PYHIN1: variants seen among roughly 807,000 people sequenced by gnomAD.
PYHIN1 encodes the protein pyrin and HIN domain family member 1.
In PYHIN1, 32 loss-of-function variants were observed where a neutral mutation model predicts 43.7. That is an observed-to-expected ratio of 0.73 (90% CI 0.55 to 0.98). The LOEUF is 0.98. Ranked by LOEUF, PYHIN1 falls within the 50% of genes least tolerant of loss-of-function variation. The probability of loss-of-function intolerance (pLI) is 0.00; values close to 1 mark genes in which losing one functional copy is unlikely to be tolerated. For missense variants in PYHIN1, 588 were observed against 589.5 expected (o/e 1.00, Z 0.03); for synonymous variants, 205 against 203.1 (o/e 1.01, Z -0.08).
the PYHIN1 span, among the ~76,000 whole-genome samples, chr1:158,989,195 TTAA>T: frequency 5.9e-5 from 9 of 152,346 alleles, no homozygotes; most frequent in African/African-American, 2.2e-4. Flanking sequence ...TGCCATGGAA[TTAA>T]TCATATCCTG....
intron 7 of PYHIN1, among the ~76,000 whole-genome samples, chr1:158,969,361 C>A (rs1282492660): frequency 6.6e-6 from 1 of 151,842 alleles, no homozygotes; most frequent in Non-Finnish European, 1.5e-5. Flanking sequence ...AATGGGCAGG[C>A]AACTTGAAGC....
At chr1:158,932,659 C>T (rs1300200336) in intron 1 of PYHIN1, among the ~76,000 whole-genome samples, 1 of 152,042 alleles carries the variant, frequency 6.6e-6, no homozygotes, top group Non-Finnish European at 1.5e-5. Context: ...AAAATGTATC[C>T]ATTTTGCAAA....
In PYHIN1 at chr1:158,936,648, C is replaced by G. The variant is rs568006420; in HGVS notation, c.-20-243C>G. ...AAGGCCTTTGACAAAATTCAACAAC[C>G]CTTCATGCTAAAAACTCTCAATAAA... is the stretch of plus-strand genomic sequence containing the variant. On this transcript the variant is annotated intron_variant, in intron 1 of 8. Transcript: ENST00000368140. Among the ~76,000 whole-genome samples, 811 of 152,196 alleles carry G rather than the reference C, an allele frequency of 5.3e-3. 4 individuals carry two copies. The highest frequency in any genetic ancestry group is 7.9e-3 in the Non-Finnish European group (537 of 68,000).
intron 7 of PYHIN1, among the ~76,000 whole-genome samples, chr1:158,965,821 T>C (rs1650599717): frequency 6.6e-6 from 1 of 151,670 alleles, no homozygotes; most frequent in Non-Finnish European, 1.5e-5. Flanking sequence ...ACATCACAAC[T>C]AGAAGAACTA....
intron 7 of PYHIN1, among the ~76,000 whole-genome samples, chr1:158,949,242 G>C (rs1649389387): frequency 1.3e-5 from 2 of 152,184 alleles, no homozygotes; most frequent in African/African-American, 4.8e-5. Context: ...GAGGACATCA[G>C]TAAGGCTGCC....
At chr1:158,948,515 C>T (rs1399413304) in intron 7 of PYHIN1, among the ~76,000 whole-genome samples, 3 of 152,156 alleles carry the variant, frequency 2.0e-5, no homozygotes, top group African/African-American at 7.2e-5. Context: ...CTTGTTGCTC[C>T]CCCACATATT....
chr1:158,937,171 A>G lies in PYHIN1; in HGVS notation c.261A>G (p.Leu87=). The G allele has an allele frequency of 6.3e-7, 1 of 1,577,992 alleles. No homozygotes were observed. The part of the protein sequence containing the change: ...DLAETLKREK[L]KVANKIESIP... ...CTGAAACTCTTAAAAGAGAAAAGTT[A>G]AAAGGTAATTGGGAAGAGGGAACAC... Residue 87 remains leucine (L), a synonymous_variant, in exon 2 of 9, where the codon TTA becomes TTG. Transcript: ENST00000368140.
At chr1:158,976,612 C>T (rs979916254) in intron 8 of PYHIN1, 89 bp from the exon 9 acceptor site, 3 of 927,000 alleles carry the variant, frequency 3.2e-6, no homozygotes, top group Non-Finnish European at 5.1e-6. Flanking sequence ...AGATGTGGCT[C>T]ACAGGGAGGA....
intron 7 of PYHIN1, among the ~76,000 whole-genome samples, chr1:158,962,965 G>A (rs531715582): frequency 2.4e-4 from 36 of 152,108 alleles, no homozygotes; most frequent in South Asian, 1.7e-3. Flanking sequence ...TTTCACCTGC[G>A]CTTCCAGCAC....
downstream of PYHIN1, among the ~76,000 whole-genome samples, chr1:158,980,520 G>A (rs567694973): frequency 1.2e-4 from 19 of 152,138 alleles, no homozygotes; most frequent in East Asian, 9.7e-4. Flanking sequence ...AATGGAATGC[G>A]TTCCTGGGGA....
chr1:158,965,071 A>C (rs533363849), intron 7 of PYHIN1, among the ~76,000 whole-genome samples: 1 of 152,232 alleles, frequency 6.6e-6, no homozygotes, highest in Non-Finnish European at 1.5e-5. Flanking sequence ...AAGCAGAAAA[A>C]AAAAACAGAG....
chr1:158,966,876 A>G (rs544453907), intron 7 of PYHIN1, among the ~76,000 whole-genome samples: 1 of 152,272 alleles, frequency 6.6e-6, no homozygotes, highest in African/African-American at 2.4e-5. Flanking sequence ...ATCAGGCAAG[A>G]TAAAGAAATA....
chr1:158,967,195 T>C (rs1210327360), intron 7 of PYHIN1, among the ~76,000 whole-genome samples: 1 of 152,078 alleles, frequency 6.6e-6, no homozygotes, highest in East Asian at 1.9e-4. Flanking sequence ...TAGAGCAGGC[T>C]ATTTGTGGGA....
At chr1:158,987,581 C>A in the PYHIN1 span, among the ~76,000 whole-genome samples, 1 of 152,002 alleles carries the variant, frequency 6.6e-6, no homozygotes, top group Admixed American at 6.6e-5. Flanking sequence ...CTTGTGCATT[C>A]GATATCATAT....
downstream of PYHIN1, among the ~76,000 whole-genome samples, chr1:158,980,234 G>A (rs956311077): frequency 1.3e-5 from 2 of 152,082 alleles, no homozygotes; most frequent in African/African-American, 4.8e-5. Context: ...ATAAGCTGAG[G>A]ATGTATCTTA....
chr1:158,977,580 G>A (rs1369351928), downstream of PYHIN1, among the ~76,000 whole-genome samples: 1 of 152,064 alleles, frequency 6.6e-6, no homozygotes, highest in Non-Finnish European at 1.5e-5. Context: ...GCAAACTGAA[G>A]AATAATTAAT....
chr1:158,955,210 A>G (rs985243277), intron 7 of PYHIN1, among the ~76,000 whole-genome samples: 1 of 152,180 alleles, frequency 6.6e-6, no homozygotes, highest in Admixed American at 6.5e-5. Flanking sequence ...GAAAGTCAAC[A>G]AGGATACCCA....
At chr1:158,944,812 T>C in intron 6 of PYHIN1, 63 bp from the exon 7 acceptor site, 4 of 1,231,586 alleles carry the variant, frequency 3.2e-6, no homozygotes, top group Non-Finnish European at 4.4e-6. Flanking sequence ...TTCTCACATA[T>C]TTAAAGATGT....
intron 7 of PYHIN1, among the ~76,000 whole-genome samples, chr1:158,956,283 T>G (rs375165862): frequency 6.6e-6 from 1 of 152,040 alleles, no homozygotes; most frequent in African/African-American, 2.4e-5. Context: ...TACCAAAGCC[T>G]GGCAGAGACA....
Sources: gnomAD v4.1 joint callset for allele counts (sites outside exome capture counted in the v4.1 genomes callset) on GRCh38, gnomAD v4.1.1 for gene constraint, MANE v1.5 for transcripts, NCBI Gene and HGNC (gene_info 2026-07-23, HGNC 2026-07-21) for gene names.